The following EPHX4 variants were observed in gnomAD, a reference collection of about 807,000 sequenced individuals.
EPHX4 encodes epoxide hydrolase 4.
In EPHX4, 31 loss-of-function variants were observed where a neutral mutation model predicts 44.9. That is an observed-to-expected ratio of 0.69 (90% CI 0.52 to 0.93). The LOEUF (loss-of-function observed/expected upper bound fraction) is 0.93. EPHX4 is among the 40% of genes least tolerant of loss of function. EPHX4 has a pLI of 0.00. For missense variants in EPHX4, 373 were observed against 438.1 expected, an observed-to-expected ratio of 0.85 and a Z score of 1.33; for synonymous variants, 151 against 159.7, an observed-to-expected ratio of 0.95 and a Z score of 0.41.
chr1:92,030,495 A>AT (rs1557880308), intron 1 of EPHX4, among the ~76,000 whole-genome samples, 185 bp downstream of exon 1: 7 of 27,614 alleles, frequency 2.5e-4, no homozygotes, highest in Non-Finnish European at 1.1e-4. Context: ...TGAGAGAGAG[A>AT]GAGAGAGAGA....
At chr1:92,061,979 G>A (rs1181343660) in intron 6 of EPHX4, among the ~76,000 whole-genome samples, 1 of 152,016 alleles carries the variant, frequency 6.6e-6, no homozygotes, top group Non-Finnish European at 1.5e-5. Flanking sequence ...AGGCCGAGAT[G>A]GGAGGATCAC....
chr1:92,046,274 C>T (rs1047885947), intron 4 of EPHX4, among the ~76,000 whole-genome samples: 5 of 152,022 alleles, frequency 3.3e-5, no homozygotes, highest in African/African-American at 9.7e-5. Flanking sequence ...AGAGTGTCAT[C>T]GTTTTACATT....
At chr1:92,053,642 C>T (rs1275309315) in intron 6 of EPHX4, among the ~76,000 whole-genome samples, 4 of 151,978 alleles carry the variant, frequency 2.6e-5, no homozygotes, top group Non-Finnish European at 4.4e-5. Context: ...TTCAGAGACA[C>T]TTAAGAGGTA....
chr1:92,058,521 A>C (rs1647421909), intron 6 of EPHX4, among the ~76,000 whole-genome samples: 2 of 152,172 alleles, frequency 1.3e-5, no homozygotes, highest in Non-Finnish European at 2.9e-5. Flanking sequence ...TAAATAAAGA[A>C]AAAGCGTTTA....
At chr1:92,033,378 T>C (rs1225866813) in intron 2 of EPHX4, among the ~76,000 whole-genome samples, 1 of 152,200 alleles carries the variant, frequency 6.6e-6, no homozygotes, top group African/African-American at 2.4e-5. Flanking sequence ...TCTTTTAATG[T>C]TTCAAATTTC....
At chr1:92,034,271 G>A (rs1036588048) in intron 2 of EPHX4, among the ~76,000 whole-genome samples, 12 of 135,206 alleles carry the variant, frequency 8.9e-5, no homozygotes, top group Non-Finnish European at 1.5e-4. Flanking sequence ...CTGCACTCCA[G>A]CCTGGGCAAC....
intron 3 of EPHX4, among the ~76,000 whole-genome samples, chr1:92,044,395 C>T (rs1005350072): frequency 3.3e-5 from 5 of 152,058 alleles, no homozygotes; most frequent in Admixed American, 2.6e-4. Context: ...AAGATTTATG[C>T]ATGTGTGTTT....
At chr1:92,059,317 A>G (rs924478294) in intron 6 of EPHX4, among the ~76,000 whole-genome samples, 2 of 152,096 alleles carry the variant, frequency 1.3e-5, no homozygotes, top group African/African-American at 4.8e-5. Flanking sequence ...GGCGCCTGTA[A>G]TCCCAGCTAT....
intron 4 of EPHX4, among the ~76,000 whole-genome samples, 158 bp from the exon 5 acceptor site, chr1:92,050,159 C>G (rs1361844311): frequency 3.3e-5 from 5 of 152,036 alleles, no homozygotes; most frequent in Non-Finnish European, 5.9e-5. Flanking sequence ...ACCGGAATTA[C>G]TCAAGATATA....
intron 6 of EPHX4, among the ~76,000 whole-genome samples, chr1:92,058,636 G>T (rs6664544): frequency 1.3e-5 from 2 of 151,854 alleles, no homozygotes; most frequent in South Asian, 4.2e-4. Flanking sequence ...TGCTGAAGGG[G>T]TATTTCTGGG....
At chr1:92,051,193 A>C (rs1647244219) in intron 5 of EPHX4, among the ~76,000 whole-genome samples, 1 of 152,106 alleles carries the variant, frequency 6.6e-6, no homozygotes, top group Non-Finnish European at 1.5e-5. Context: ...TAAAAGGTAT[A>C]ATATAATTTT....
rs1570700014 is a variant in EPHX4 at position 92,062,813 on chromosome 1, C to T, written c.858-242C>T. Among the ~76,000 whole-genome samples, 3 of 151,864 alleles carry T rather than the reference C, an allele frequency of 2.0e-5. No individual in the cohort carries two copies. In the South Asian group the frequency reaches 6.2e-4, roughly 32 times the overall value. On this transcript the variant is annotated intron_variant, in intron 6 of 6. Transcript: ENST00000370383. ...CACTTTCCTAAGGAGCCTTTTTAGA[C>T]TTTTTTTTCCCTAATCACCCCCACC...
intron 1 of EPHX4, 145 bp downstream of exon 1, chr1:92,030,455 G>GTC: frequency 3.3e-6 from 1 of 307,494 alleles, no homozygotes; most frequent in South Asian, 2.9e-5. Flanking sequence ...GTCCCTGTGT[G>GTC]TCGTGTGTGT....
At chr1:92,062,966 C>A in intron 6 of EPHX4, 89 bp from the exon 7 acceptor site, 1 of 1,170,816 alleles carries the variant, frequency 8.5e-7, no homozygotes, top group Non-Finnish European at 1.2e-6. Context: ...TTGCTCACTT[C>A]AAGAATGTAT....
chr1:92,059,320 C>T (rs1360724892), intron 6 of EPHX4, among the ~76,000 whole-genome samples: 1 of 152,026 alleles, frequency 6.6e-6, no homozygotes, highest in Non-Finnish European at 1.5e-5. Context: ...GCCTGTAATC[C>T]CAGCTATTCT....
chr1:92,048,359 T>C (rs1688612052), intron 4 of EPHX4, among the ~76,000 whole-genome samples: 2 of 152,290 alleles, frequency 1.3e-5, no homozygotes, highest in Admixed American at 1.3e-4. Context: ...ATTTTGGTGG[T>C]GGTGCTATAT....
intron 4 of EPHX4, among the ~76,000 whole-genome samples, chr1:92,047,675 G>A (rs1319721359): frequency 6.6e-6 from 1 of 152,158 alleles, no homozygotes; most frequent in Non-Finnish European, 1.5e-5. Context: ...TGGTGGTGAA[G>A]AATAGGATGA....
chr1:92,041,236 G>C (rs1688504071), intron 2 of EPHX4, among the ~76,000 whole-genome samples: 1 of 152,084 alleles, frequency 6.6e-6, no homozygotes, highest in Non-Finnish European at 1.5e-5. Context: ...TGCCATTTTG[G>C]TTGTTAAATG....
intron 2 of EPHX4, 109 bp downstream of exon 2, chr1:92,032,699 C>G (rs1326640247): frequency 1.0e-6 from 1 of 958,218 alleles, no homozygotes; most frequent in Non-Finnish European, 1.6e-6. Context: ...TTAAAATGAA[C>G]ATAAATGATT....
Sources: allele counts gnomAD v4.1 joint callset (sites outside exome capture counted in the v4.1 genomes callset), GRCh38; gene constraint gnomAD v4.1.1; transcripts MANE v1.5; gene names NCBI Gene and HGNC (gene_info 2026-07-23, HGNC 2026-07-21).